EXD2: variants seen among roughly 807,000 people sequenced by gnomAD.
The protein encoded by EXD2 is exonuclease 3'-5' domain containing 2.
Under a neutral mutation model 62.5 loss-of-function variants are expected in EXD2, and 40 were observed. The ratio of observed to expected loss-of-function variants is 0.64; its 90% CI spans 0.50 to 0.83. The LOEUF is 0.83. Among genes scored for constraint, EXD2 ranks in the 40% least tolerant of loss-of-function variants. The pLI is 0.00. For synonymous variants in EXD2, 239 were observed against 291.9 expected (o/e 0.82, Z 1.85); for missense variants, 671 against 761.8 (o/e 0.88, Z 1.40).
chr14:69,192,241 A>C (rs1390370369), intron 1 of EXD2: 3 of 152,218 alleles, frequency 2.0e-5, no homozygotes, highest in Non-Finnish European at 4.4e-5. Context: ...ATATGATTCC[A>C]ACATTCAAAC....
At chr14:69,210,897 T>C (rs1345284250) in intron 3 of EXD2, among the ~76,000 whole-genome samples, 1 of 152,216 alleles carries the variant, frequency 6.6e-6, no homozygotes, top group Admixed American at 6.5e-5. Flanking sequence ...ATTAATTAGT[T>C]TATTGCTAGA....
At position 69,228,807 on chromosome 14, in the gene EXD2, C is replaced by T. The variant is rs368100825; in HGVS notation, c.334-9C>T. 105 of 1,606,576 alleles carry T rather than the reference C, an allele frequency of 6.5e-5. No homozygotes were observed. The highest frequency in any genetic ancestry group is 8.2e-5 in the Non-Finnish European group (97 of 1,176,386). ...GTGTGAACCACAACCTTGTCTTCCT[C>T]TGTTGCAGGTAAATTTGGAAGGCAA... On this transcript the variant is annotated splice_polypyrimidine_tract_variant and intron_variant, in intron 3 of 9. Transcript: ENST00000685843.
At position 69,241,124 on chromosome 14, in the gene EXD2, A is replaced by G; in HGVS notation, c.*24A>G. 6.3e-7 allele frequency: 1 copy of G among 1,599,522 alleles called. No homozygotes were observed. The highest frequency in any genetic ancestry group is 1.3e-5 in the African/African-American group (1 of 74,716). On this transcript the variant is annotated 3_prime_UTR_variant, in exon 10 of 10. Coordinates refer to ENST00000685843, the MANE Select transcript of EXD2 (RefSeq NM_001193360.2). ...GATAGCTGCTTTCCTCCCAGTTAGG[A>G]CAAGTGGGAAGCTGGAGCCAAGGTT... is the stretch of plus-strand genomic sequence containing the variant.
At chr14:69,237,128 T>C (rs1446235797) in intron 8 of EXD2, among the ~76,000 whole-genome samples, 1 of 152,180 alleles carries the variant, frequency 6.6e-6, no homozygotes, top group Non-Finnish European at 1.5e-5. Flanking sequence ...CCTTAGAAAA[T>C]AATGATGAAC....
rs796240591 is a variant in EXD2 at position 69,239,800 on chromosome 14, C to T, written c.1650-1084C>T. Among the ~76,000 whole-genome samples the T allele has an allele frequency of 4.6e-5, 7 of 152,330 alleles. 1 individual carries two copies. The highest frequency in any genetic ancestry group is 1.4e-4 in the African/African-American group (6 of 41,564). The stretch of plus-strand genomic sequence containing the variant: ...TATTTTTAGTAGAGGCAGGGTTTCA[C>T]CTCGTTGGTCAGGCTGGTCTCGAAC... On this transcript the variant is annotated intron_variant, in intron 9 of 9. Coordinates refer to ENST00000685843, the MANE Select transcript of EXD2 (RefSeq NM_001193360.2).
intron 3 of EXD2, among the ~76,000 whole-genome samples, chr14:69,211,926 G>A (rs1381976280): frequency 6.6e-6 from 1 of 152,146 alleles, no homozygotes; most frequent in African/African-American, 2.4e-5. Context: ...ACCTCATTTT[G>A]ACTTTTGATG....
At chr14:69,221,434 A>G (rs1446682006) in intron 3 of EXD2, among the ~76,000 whole-genome samples, 1 of 152,120 alleles carries the variant, frequency 6.6e-6, no homozygotes, top group Non-Finnish European at 1.5e-5. Context: ...TATATATTTC[A>G]TTTATCATCT....
intron 1 of EXD2, among the ~76,000 whole-genome samples, chr14:69,194,417 T>C (rs10134554): frequency 0.69 from 104,632 of 152,040 alleles, 36,723 homozygotes; most frequent in East Asian, 1. Flanking sequence ...GGATTACAGG[T>C]GTGAGCCACC....
At chr14:69,198,205 G>C (rs2042273323) in intron 1 of EXD2, among the ~76,000 whole-genome samples, 4 of 152,110 alleles carry the variant, frequency 2.6e-5, no homozygotes, top group Admixed American at 1.3e-4. Context: ...GGTTTGGAAA[G>C]CTATTGATTT....
chr14:69,243,725 T>C lies in EXD2; in HGVS notation c.*2625T>C, dbSNP rs1307588374. The C allele has an allele frequency of 6.6e-6, 1 of 152,200 alleles. No homozygotes were observed. Among genetic ancestry groups the C allele is most frequent in the Admixed American group, 6.5e-5 (1 of 15,280 alleles). The allele number at this position is 152,200 out of a possible 1,614,324, so 9.4% of individuals were successfully genotyped here. On this transcript the variant is annotated 3_prime_UTR_variant, in exon 10 of 10. Transcript: ENST00000685843. ...CACATTGCTGGGGCTAAGTACAAAT[T>C]GACATCACCTTTTAGGAATGAAATG...
intron 2 of EXD2, 96 bp from the exon 3 acceptor site, chr14:69,209,328 A>T: frequency 1.7e-6 from 1 of 575,014 alleles, no homozygotes; most frequent in Non-Finnish European, 2.8e-6. Flanking sequence ...GTTTGTGGGC[A>T]CAGAGATTAT....
At chr14:69,215,603 T>C (rs559107502) in intron 3 of EXD2, among the ~76,000 whole-genome samples, 2 of 152,336 alleles carry the variant, frequency 1.3e-5, no homozygotes, top group South Asian at 4.1e-4. Flanking sequence ...AACCTCCCTA[T>C]ATATGAAAAT....
rs555199286 is a variant in EXD2 at position 69,208,628 on chromosome 14, A to G, written c.-47-796A>G. Among the ~76,000 whole-genome samples the G allele has an allele frequency of 2.0e-5, 3 of 152,354 alleles. No homozygotes were observed. In the East Asian group the frequency reaches 5.8e-4, roughly 29 times the overall value. On this transcript the variant is annotated intron_variant, in intron 2 of 9. Coordinates refer to ENST00000685843, the MANE Select transcript of EXD2 (RefSeq NM_001193360.2). ...ACAGAAACTACATGGAGAAAGCCACATGTTACAGAAAAATGAAAAAGGAAC... is the reference window on the plus strand; with the variant it reads ...ACAGAAACTACATGGAGAAAGCCACGTGTTACAGAAAAATGAAAAAGGAAC...
At chr14:69,209,844 A>T (rs2140236545) in intron 3 of EXD2, 41 bp downstream of exon 3, 1 of 1,280,300 alleles carries the variant, frequency 7.8e-7, no homozygotes, top group Non-Finnish European at 1.0e-6. Flanking sequence ...AAAAAAAAAC[A>T]ACTTCTGCTT....
intron 3 of EXD2, among the ~76,000 whole-genome samples, chr14:69,219,904 C>T (rs547939394): frequency 1.3e-3 from 194 of 152,224 alleles, no homozygotes; most frequent in Non-Finnish European, 2.1e-3. Context: ...TTGACTTATG[C>T]CCTATCTCAA....
chr14:69,227,868 T>C (rs963584591), intron 3 of EXD2: 1 of 152,170 alleles, frequency 6.6e-6, no homozygotes, highest in Non-Finnish European at 1.5e-5. Flanking sequence ...CGATCACTTA[T>C]TGTATAAAGT....
intron 1 of EXD2, among the ~76,000 whole-genome samples, chr14:69,196,353 A>T (rs2042203086): frequency 6.6e-6 from 1 of 152,234 alleles, no homozygotes; most frequent in African/African-American, 2.4e-5. Flanking sequence ...TTTTTGGGGA[A>T]TACGATTCAA....
chr14:69,221,296 T>C (rs1057395508), intron 3 of EXD2, among the ~76,000 whole-genome samples: 1 of 152,232 alleles, frequency 6.6e-6, no homozygotes, highest in Non-Finnish European at 1.5e-5. Flanking sequence ...AATGTTTAGT[T>C]AGAATCTACT....
At chr14:69,197,094 C>T (rs2042232379) in intron 1 of EXD2, among the ~76,000 whole-genome samples, 1 of 152,250 alleles carries the variant, frequency 6.6e-6, no homozygotes, top group South Asian at 2.1e-4. Flanking sequence ...CTTGTCTGTT[C>T]AGTTAGCACA....
Sources: gnomAD v4.1 joint callset for allele counts (sites outside exome capture counted in the v4.1 genomes callset) on GRCh38, gnomAD v4.1.1 for gene constraint, MANE v1.5 for transcripts, NCBI Gene and HGNC (gene_info 2026-07-23, HGNC 2026-07-21) for gene names.